The following PAPPA variants were observed in gnomAD, a reference collection of about 807,000 sequenced individuals.
PAPPA encodes the protein pappalysin 1, also known as pappalysin-1.
In PAPPA, 60 loss-of-function variants were observed where a neutral mutation model predicts 164.0. The ratio of observed to expected loss-of-function variants is 0.37; its 90% CI spans 0.30 to 0.45. The LOEUF is 0.45. Among genes scored for constraint, PAPPA ranks in the 20% least tolerant of loss-of-function variants. PAPPA has a pLI of 1.00. For missense variants in PAPPA, 1,782 were observed against 2,087.3 expected, an observed-to-expected ratio of 0.85 and a Z score of 2.85; for synonymous variants, 875 against 814.1, an observed-to-expected ratio of 1.07 and a Z score of -1.27.
chr9:116,318,630 A>C (rs1845816052), intron 10 of PAPPA: 1 of 152,180 alleles, frequency 6.6e-6, no homozygotes, highest in Non-Finnish European at 1.5e-5. Flanking sequence ...TGTGCTGTGA[A>C]GTCACCCACG....
chr9:116,353,479 G>A (rs186799830), intron 16 of PAPPA, 143 bp from the exon 17 acceptor site: 45 of 681,330 alleles, frequency 6.6e-5, no homozygotes, highest in Non-Finnish European at 7.4e-5. Context: ...ATTCCTGCAC[G>A]GGTCCCACCA....
Position 116,379,584 on chromosome 9 carries a change from G to A in PAPPA, c.4677+1937G>A, listed in dbSNP as rs368064417. ...CCATCCATCCATCCATCCATCCATC[G>A]TTTTACTAAATAAACATTTATGGAA... On this transcript the variant is annotated intron_variant, in intron 20 of 21. Transcript: ENST00000328252. Among the ~76,000 whole-genome samples, 6 of 128,214 alleles carry A rather than the reference G, an allele frequency of 4.7e-5. No individual in the cohort carries two copies. In the East Asian group the frequency reaches 9.0e-4, roughly 19 times the overall value. The allele number at this position is 128,214 out of a possible 152,430, so 84.1% of individuals were successfully genotyped here. A position where few individuals can be genotyped will look rare whatever the true frequency, so the allele number is the denominator to read the frequency against.
At chr9:116,360,065 G>C (rs1290532511) in intron 17 of PAPPA, among the ~76,000 whole-genome samples, 1 of 152,202 alleles carries the variant, frequency 6.6e-6, no homozygotes, top group Non-Finnish European at 1.5e-5. Flanking sequence ...GCAGACTCCG[G>C]CTACTTCTAA....
chr9:116,376,113 C>T (rs935170893), intron 19 of PAPPA, among the ~76,000 whole-genome samples: 24 of 151,620 alleles, frequency 1.6e-4, no homozygotes, highest in Non-Finnish European at 2.2e-4. Context: ...ATCTGCCTCC[C>T]GGGTTCAAGC....
At chr9:116,176,887 A>C (rs976437623) in intron 1 of PAPPA, among the ~76,000 whole-genome samples, 5 of 152,086 alleles carry the variant, frequency 3.3e-5, no homozygotes, top group African/African-American at 7.2e-5. Flanking sequence ...AAGTTACCAC[A>C]TCAGGGAAGC....
chr9:116,324,154 T>C (rs1178090004), intron 10 of PAPPA, among the ~76,000 whole-genome samples: 2 of 152,232 alleles, frequency 1.3e-5, no homozygotes, highest in East Asian at 1.9e-4. Context: ...ATCACAGCCC[T>C]GAGAGACATG....
intron 13 of PAPPA, 109 bp from the exon 14 acceptor site, chr9:116,344,434 T>C: frequency 8.8e-7 from 1 of 1,139,246 alleles, no homozygotes; most frequent in Non-Finnish European, 1.3e-6. Context: ...GTCCTCAGTC[T>C]CAAGCCCCCT....
At chr9:116,210,458 C>T (rs558481629) in intron 3 of PAPPA, among the ~76,000 whole-genome samples, 17 of 152,244 alleles carry the variant, frequency 1.1e-4, no homozygotes, top group African/African-American at 4.1e-4. Flanking sequence ...AAGACCCTAC[C>T]TCCTCACCAT....
At chr9:116,224,846 C>G (rs980818478) in intron 5 of PAPPA, among the ~76,000 whole-genome samples, 24 of 152,178 alleles carry the variant, frequency 1.6e-4, no homozygotes, top group African/African-American at 5.5e-4. Context: ...AAGATGAGCT[C>G]TCCCAGCTTT....
rs1485706113 is a variant in PAPPA at position 116,400,564 on chromosome 9, T to C, written c.*3948T>C. The C allele has an allele frequency of 6.6e-6, 1 of 152,098 alleles. No homozygotes were observed. The highest frequency in any genetic ancestry group is 1.5e-5 in the Non-Finnish European group (1 of 67,950). The allele number at this position is 152,098 out of a possible 1,614,324, so 9.4% of individuals were successfully genotyped here. A position where few individuals can be genotyped will look rare whatever the true frequency, so the allele number is the denominator to read the frequency against. ...TATATTTACCAGTACAGCACTGGGC[T>C]TTATAAAGACTGCACTCAGAACCAC... is the stretch of plus-strand genomic sequence containing the variant. On this transcript the variant is annotated 3_prime_UTR_variant, in exon 22 of 22. Transcript: ENST00000328252.
intron 13 of PAPPA, among the ~76,000 whole-genome samples, chr9:116,338,774 C>T (rs536237042): frequency 6.6e-6 from 1 of 152,320 alleles, no homozygotes; most frequent in South Asian, 2.1e-4. Context: ...AAAATATTGT[C>T]CAATTCACAG....
intron 10 of PAPPA, among the ~76,000 whole-genome samples, chr9:116,312,203 C>T (rs929986041): frequency 5.9e-5 from 9 of 152,094 alleles, no homozygotes; most frequent in African/African-American, 1.2e-4. Flanking sequence ...GACCAGAAAC[C>T]TTTCTTTTAT....
chr9:116,282,999 T>G (rs1845285644), intron 9 of PAPPA, among the ~76,000 whole-genome samples: 1 of 152,160 alleles, frequency 6.6e-6, no homozygotes, highest in South Asian at 2.1e-4. Flanking sequence ...GGACTGAGTT[T>G]TTTTCATTTT....
At chr9:116,193,942 A>G (rs1844073787) in intron 2 of PAPPA, among the ~76,000 whole-genome samples, 1 of 152,222 alleles carries the variant, frequency 6.6e-6, no homozygotes, top group South Asian at 2.1e-4. Context: ...GAAGGGATGC[A>G]ATAGGCTTTT....
At chr9:116,377,497 G>T in intron 19 of PAPPA, 79 bp from the exon 20 acceptor site, 1 of 980,172 alleles carries the variant, frequency 1.0e-6, no homozygotes, top group Non-Finnish European at 1.6e-6. Flanking sequence ...GAGGTGAGGT[G>T]GTTAAATGTA....
chr9:116,184,995 C>A (rs1185488734), intron 1 of PAPPA, among the ~76,000 whole-genome samples: 1 of 152,138 alleles, frequency 6.6e-6, no homozygotes, highest in Non-Finnish European at 1.5e-5. Context: ...AACCGAAGAG[C>A]ACATGTCAAG....
chr9:116,392,580 A>G (rs1846908595), intron 21 of PAPPA, among the ~76,000 whole-genome samples: 1 of 152,230 alleles, frequency 6.6e-6, no homozygotes, highest in Non-Finnish European at 1.5e-5. Context: ...AGTCCTTTCC[A>G]GGTTAGACCT....
chr9:116,347,094 C>A lies in PAPPA; in HGVS notation c.3849C>A (p.Val1283=), dbSNP rs754379941. 9 of 1,614,028 alleles carry A rather than the reference C, an allele frequency of 5.6e-6. 1 individual carries two copies. In the African/African-American group the frequency reaches 1.2e-4, roughly 22 times the overall value. ...KWNKQVACEP[V]DCSIPDHHQV... ...ATAAGCAGGTGGCCTGTGAGCCAGT[C>A]GACTGCAGCATCCCAGATCACCATC... The change falls in exon 15 of 22, where the codon GTC becomes GTA. Residue 1283 remains valine, a synonymous_variant. Transcript: ENST00000328252. This position sits in a 1 kb window ranked among gnomAD's most constrained non-coding sequence, Gnocchi z 4.5.
chr9:116,334,238 TAAAAAA>T (rs397974030), intron 12 of PAPPA, among the ~76,000 whole-genome samples: 1 of 108,972 alleles, frequency 9.2e-6, no homozygotes, highest in Non-Finnish European at 1.8e-5. Flanking sequence ...CTGGCTGCAT[TAAAAAA>T]AAAAAAAAAA....
Sources: gnomAD v4.1 joint callset for allele counts (sites outside exome capture counted in the v4.1 genomes callset) on GRCh38, gnomAD v4.1.1 for gene constraint, Gnocchi (gnomAD v3.1) non-coding constraint, MANE v1.5 for transcripts, NCBI Gene and HGNC (gene_info 2026-07-23, HGNC 2026-07-21) for gene names.